RTL4: variants seen among roughly 807,000 people sequenced by gnomAD.
RTL4 encodes retrotransposon Gag like 4.
RTL4 carries 4 observed loss-of-function variants against 5.3 expected under a neutral mutation model. The ratio of observed to expected loss-of-function variants is 0.75; its 90% CI spans 0.37 to 1.72. RTL4 has a LOEUF of 1.72. Ranked by LOEUF, RTL4 falls within the 40% of genes most tolerant of loss-of-function variation. The pLI, the probability that RTL4 is intolerant of heterozygous loss-of-function variation, is 0.04. For missense variants in RTL4, 260 were observed against 227.1 expected (o/e 1.14, Z -0.93); for synonymous variants, 98 against 87.3 (o/e 1.12, Z -0.68).
At chrX:112,381,011 C>T in the RTL4 span, among the ~76,000 whole-genome samples, 1 of 111,063 alleles carries the variant, frequency 9.0e-6, no homozygotes, top group Non-Finnish European at 1.9e-5. Flanking sequence ...CGGGTTTATT[C>T]GGTAGCCGAG....
chrX:112,162,841 G>A, the RTL4 span, among the ~76,000 whole-genome samples: 1 of 111,157 alleles, frequency 9.0e-6, no homozygotes, highest in African/African-American at 3.3e-5. Context: ...GGATCCTAAG[G>A]CGGGTAGTCT....
the RTL4 span, among the ~76,000 whole-genome samples, chrX:112,276,651 G>T: frequency 1.8e-5 from 2 of 111,309 alleles, no homozygotes; most frequent in Non-Finnish European, 3.8e-5. Context: ...ACAGCAGAAG[G>T]GCTCAAAGAC....
chrX:112,321,552 A>G, the RTL4 span, among the ~76,000 whole-genome samples: 2 of 106,741 alleles, frequency 1.9e-5, no homozygotes, highest in East Asian at 5.7e-4. Flanking sequence ...AAAAAAAAAG[A>G]AAGAAAAAGA....
the RTL4 span, among the ~76,000 whole-genome samples, chrX:112,423,384 C>G: frequency 9.1e-6 from 1 of 110,115 alleles, no homozygotes; most frequent in Non-Finnish European, 1.9e-5. Flanking sequence ...CCCTGCCCCC[C>G]GCCCAAGTGC....
At chrX:112,190,186 TTC>T in the RTL4 span, among the ~76,000 whole-genome samples, 1 of 106,537 alleles carries the variant, frequency 9.4e-6, no homozygotes, top group Non-Finnish European at 1.9e-5. Context: ...CTTTCTTTCT[TTC>T]TTTCTTTCTT....
chrX:112,447,082 A>C, the RTL4 span, among the ~76,000 whole-genome samples: 56,499 of 110,498 alleles, frequency 0.51, 11,354 homozygotes, highest in African/African-American at 0.74. Context: ...GGACAACAGG[A>C]CTGCAATAAC....
the RTL4 span, among the ~76,000 whole-genome samples, chrX:112,230,526 A>AC: frequency 8.9e-6 from 1 of 111,815 alleles, no homozygotes; most frequent in African/African-American, 3.3e-5. Flanking sequence ...GGTGCACTGC[A>AC]CCCACTGTCT....
chrX:112,156,886 A>G, the RTL4 span, among the ~76,000 whole-genome samples: 1 of 111,233 alleles, frequency 9.0e-6, no homozygotes, highest in Non-Finnish European at 1.9e-5. Context: ...GAGGGTGGAG[A>G]CTGGGGTGTT....
At chrX:112,186,460 T>A in the RTL4 span, among the ~76,000 whole-genome samples, 2 of 112,152 alleles carry the variant, frequency 1.8e-5, no homozygotes, top group Non-Finnish European at 3.8e-5. Context: ...TATGTTTTTA[T>A]GTACCATTGT....
At chrX:112,274,061 T>A in the RTL4 span, among the ~76,000 whole-genome samples, 1 of 112,085 alleles carries the variant, frequency 8.9e-6, no homozygotes. Context: ...GAGGCTCAGA[T>A]AAATTAAATT....
the RTL4 span, among the ~76,000 whole-genome samples, chrX:112,249,747 T>A: frequency 9.5e-6 from 1 of 105,025 alleles, no homozygotes; most frequent in South Asian, 4.3e-4. Context: ...TATAATTGCA[T>A]GAGCCAATTA....
the RTL4 span, among the ~76,000 whole-genome samples, chrX:112,134,546 T>A: frequency 8.0e-5 from 9 of 112,056 alleles, no homozygotes; most frequent in Non-Finnish European, 1.1e-4. Flanking sequence ...ATAGTACTTT[T>A]AAAAAATAGC....
chrX:112,107,460 TTGA>T, the RTL4 span, among the ~76,000 whole-genome samples: 1 of 112,203 alleles, frequency 8.9e-6, no homozygotes. Context: ...TTCTTTTATC[TTGA>T]TGATCTCTCT....
chrX:112,418,236 C>T, the RTL4 span, among the ~76,000 whole-genome samples: 9 of 111,953 alleles, frequency 8.0e-5, no homozygotes, highest in East Asian at 2.2e-3. Context: ...GAATTATACA[C>T]GTCAAATGGC....
chrX:112,215,793 C>A, the RTL4 span, among the ~76,000 whole-genome samples: 1 of 111,673 alleles, frequency 9.0e-6, no homozygotes, highest in Non-Finnish European at 1.9e-5. Context: ...ACTTTCAGTG[C>A]TTTTTGGTAT....
the RTL4 span, among the ~76,000 whole-genome samples, chrX:112,308,820 T>C: frequency 4.5e-5 from 5 of 111,089 alleles, no homozygotes; most frequent in Non-Finnish European, 9.4e-5. Context: ...AAACCCCAGA[T>C]GTAATAAGCC....
At chrX:112,333,424 C>T in the RTL4 span, among the ~76,000 whole-genome samples, 3 of 111,374 alleles carry the variant, frequency 2.7e-5, no homozygotes, top group African/African-American at 9.8e-5. Flanking sequence ...GATAGATAGG[C>T]TAATTTGCTT....
the RTL4 span, among the ~76,000 whole-genome samples, chrX:112,314,208 C>T: frequency 4.5e-5 from 5 of 111,893 alleles, no homozygotes; most frequent in African/African-American, 1.6e-4. Flanking sequence ...CCATGTCTGA[C>T]CAATTCTAAA....
the RTL4 span, among the ~76,000 whole-genome samples, chrX:112,394,448 G>T: frequency 9.0e-6 from 1 of 111,248 alleles, no homozygotes; most frequent in East Asian, 2.8e-4. Flanking sequence ...TTATGAAACA[G>T]AATTTTTATA....
Sources: gnomAD v4.1 joint callset for allele counts (sites outside exome capture counted in the v4.1 genomes callset) on GRCh38, gnomAD v4.1.1 for gene constraint, MANE v1.5 for transcripts, NCBI Gene and HGNC (gene_info 2026-07-23, HGNC 2026-07-21) for gene names.